Variants in ERC1 observed in about 807,000 individuals in gnomAD.
The protein encoded by ERC1 is ELKS/RAB6-interacting/CAST family member 1.
In ERC1, 56 loss-of-function variants were observed where a neutral mutation model predicts 132.0. That is an observed-to-expected ratio of 0.42 (90% CI 0.34 to 0.53). ERC1 has a LOEUF of 0.53. Ranked by LOEUF, ERC1 falls within the 20% of genes least tolerant of loss-of-function variation. The probability of loss-of-function intolerance (pLI) is 0.03; values close to 1 mark genes in which losing one functional copy is unlikely to be tolerated. For synonymous variants in ERC1, 478 were observed against 476.1 expected (o/e 1.00, Z -0.05); for missense variants, 1,202 against 1,349.9 (o/e 0.89, Z 1.72).
At chr12:1,441,491 C>G (rs1470911609) in intron 17 of ERC1, among the ~76,000 whole-genome samples, 2 of 152,168 alleles carry the variant, frequency 1.3e-5, no homozygotes, top group Non-Finnish European at 2.9e-5. Flanking sequence ...CTCAATATGA[C>G]CATTTATCAC....
At chr12:1,405,274 A>G (rs2091400601) in intron 16 of ERC1, among the ~76,000 whole-genome samples, 1 of 148,454 alleles carries the variant, frequency 6.7e-6, no homozygotes, top group Non-Finnish European at 1.5e-5. Flanking sequence ...AATTTGATTC[A>G]CAGATAATTT....
chr12:1,424,854 A>ATAGCTAGC (rs1565411365), intron 17 of ERC1, among the ~76,000 whole-genome samples: 9 of 125,246 alleles, frequency 7.2e-5, no homozygotes, highest in African/African-American at 3.3e-4. Context: ...TGATAGATAG[A>ATAGCTAGC]TAGATAGATC....
chr12:1,154,250 T>C (rs1951123166), intron 8 of ERC1, among the ~76,000 whole-genome samples: 1 of 150,446 alleles, frequency 6.6e-6, no homozygotes, highest in Non-Finnish European at 1.5e-5. Context: ...TGTATATGTA[T>C]ATGTATATGT....
chr12:1,341,325 G>A (rs1196048744), intron 15 of ERC1, among the ~76,000 whole-genome samples: 2 of 151,576 alleles, frequency 1.3e-5, no homozygotes, highest in African/African-American at 4.8e-5. Flanking sequence ...TCGATCTCCT[G>A]AGGATTATAA....
chr12:1,224,683 A>G (rs2154296882), intron 12 of ERC1, among the ~76,000 whole-genome samples: 1 of 152,160 alleles, frequency 6.6e-6, no homozygotes, highest in East Asian at 1.9e-4. Flanking sequence ...AAAATGATAA[A>G]AAAGAAAAAA....
At chr12:1,169,866 T>C (rs1462470574) in intron 8 of ERC1, among the ~76,000 whole-genome samples, 1 of 152,224 alleles carries the variant, frequency 6.6e-6, no homozygotes, top group Non-Finnish European at 1.5e-5. Context: ...TTACACATTA[T>C]GAACTTGTGA....
intron 1 of ERC1, among the ~76,000 whole-genome samples, chr12:1,016,292 T>G (rs189223312): frequency 6.6e-6 from 1 of 152,380 alleles, no homozygotes; most frequent in Non-Finnish European, 1.5e-5. Context: ...TAGTCCATTA[T>G]AGTTAGTTTG....
intron 2 of ERC1, among the ~76,000 whole-genome samples, chr12:1,069,364 G>C (rs924840566): frequency 3.9e-5 from 6 of 152,116 alleles, no homozygotes; most frequent in African/African-American, 1.4e-4. Context: ...AAAGTTGGAG[G>C]CACACTCTGC....
At chr12:1,091,855 A>G (rs1318498296) in intron 3 of ERC1, among the ~76,000 whole-genome samples, 5 of 152,188 alleles carry the variant, frequency 3.3e-5, no homozygotes, top group Admixed American at 2.0e-4. Flanking sequence ...GGGACTTGAA[A>G]TGATTGCTGG....
At chr12:1,054,055 A>T (rs1205802559) in intron 2 of ERC1, among the ~76,000 whole-genome samples, 1 of 152,166 alleles carries the variant, frequency 6.6e-6, no homozygotes, top group Non-Finnish European at 1.5e-5. Context: ...TATTGTCCTG[A>T]TCTTCTAGAT....
At chr12:1,199,415 A>G (rs1956682682) in intron 12 of ERC1, among the ~76,000 whole-genome samples, 1 of 152,154 alleles carries the variant, frequency 6.6e-6, no homozygotes, top group Non-Finnish European at 1.5e-5. Context: ...CCTAGTGTGT[A>G]TTTATAGTAT....
At chr12:1,292,460 T>C (rs1055950858) in intron 15 of ERC1, among the ~76,000 whole-genome samples, 5 of 152,150 alleles carry the variant, frequency 3.3e-5, no homozygotes, top group South Asian at 4.2e-4. Context: ...AGGAAAAATA[T>C]TAGAATCTCC....
intron 16 of ERC1, chr12:1,380,433 A>G (rs1278536375): frequency 2.6e-5 from 4 of 152,256 alleles, no homozygotes; most frequent in African/African-American, 9.6e-5. Context: ...TCAGATAAGC[A>G]CAAGGCAAAT....
At chr12:1,138,022 ATATT>A (rs1949445167) in intron 7 of ERC1, among the ~76,000 whole-genome samples, 1 of 125,746 alleles carries the variant, frequency 8.0e-6, no homozygotes, top group Non-Finnish European at 1.6e-5. Flanking sequence ...GTAAATGTAT[ATATT>A]ATATAATTAT....
At chr12:1,374,800 C>T (rs943313069) in intron 16 of ERC1, among the ~76,000 whole-genome samples, 1 of 147,430 alleles carries the variant, frequency 6.8e-6, no homozygotes, top group Non-Finnish European at 1.5e-5. Flanking sequence ...TATAGGCAGG[C>T]TGGGCTTTTC....
intron 15 of ERC1, among the ~76,000 whole-genome samples, chr12:1,301,574 C>G (rs2080405463): frequency 6.6e-6 from 1 of 152,164 alleles, no homozygotes; most frequent in African/African-American, 2.4e-5. Flanking sequence ...AACAGAAAAC[C>G]AAATACCACA....
At chr12:1,129,390 G>A (rs1336502306) in intron 7 of ERC1, among the ~76,000 whole-genome samples, 1 of 152,164 alleles carries the variant, frequency 6.6e-6, no homozygotes, top group Non-Finnish European at 1.5e-5. Flanking sequence ...CAGGTGTGGT[G>A]TGTACATGTA....
At chr12:993,908 T>G (rs28594782) in intron 1 of ERC1, among the ~76,000 whole-genome samples, 3 of 149,064 alleles carry the variant, frequency 2.0e-5, no homozygotes, top group African/African-American at 7.4e-5. Flanking sequence ...TCTCAAAAAA[T>G]AAAAATAAAA....
intron 7 of ERC1, among the ~76,000 whole-genome samples, chr12:1,139,848 TA>T (rs1949707552): frequency 2.0e-5 from 3 of 151,362 alleles, no homozygotes; most frequent in Admixed American, 6.6e-5. Context: ...GGACAAAGGG[TA>T]GATTTAGTAG....
Sources: allele counts gnomAD v4.1 joint callset (sites outside exome capture counted in the v4.1 genomes callset), GRCh38; gene constraint gnomAD v4.1.1; transcripts MANE v1.5; gene names NCBI Gene and HGNC (gene_info 2026-07-23, HGNC 2026-07-21).